RNF166: variants seen among roughly 807,000 people sequenced by gnomAD.
The protein encoded by RNF166 is ring finger protein 166.
RNF166 carries 19 observed loss-of-function variants against 29.4 expected under a neutral mutation model. The ratio of observed to expected loss-of-function variants is 0.65; its 90% CI spans 0.45 to 0.95. RNF166 has a LOEUF of 0.95. RNF166 is among the 40% of genes least tolerant of loss of function. RNF166 has a pLI of 0.00. For synonymous variants in RNF166, 171 were observed against 134.5 expected, an observed-to-expected ratio of 1.27 and a Z score of -1.88; for missense variants, 347 against 322.1, an observed-to-expected ratio of 1.08 and a Z score of -0.59.
chr16:88,705,025 C>A (rs1025534090), intron 1 of RNF166, among the ~76,000 whole-genome samples: 7 of 152,226 alleles, frequency 4.6e-5, no homozygotes, highest in African/African-American at 7.2e-5. Context: ...GCTGCCCCCC[C>A]AAAATGTCAC....
At chr16:88,697,794 G>A (rs536318148) in intron 5 of RNF166, 161 bp from the exon 6 acceptor site, 4 of 599,860 alleles carry the variant, frequency 6.7e-6, no homozygotes, top group South Asian at 4.0e-5. Flanking sequence ...GGGCCTGCAC[G>A]GTCCTCTGGG....
At chr16:88,700,950 G>A in intron 2 of RNF166, 1 of 1,210,862 alleles carries the variant, frequency 8.3e-7, no homozygotes, top group Non-Finnish European at 1.0e-6. Flanking sequence ...GCTGCATTGG[G>A]AAGGTTTCAG....
intron 5 of RNF166, 65 bp downstream of exon 5, chr16:88,698,437 G>T (rs989083888): frequency 3.1e-6 from 4 of 1,292,940 alleles, no homozygotes; most frequent in Non-Finnish European, 4.4e-6. Flanking sequence ...GCTGGCGAGG[G>T]GCCCGAGCAG....
chr16:88,698,037 C>A, intron 5 of RNF166: 1 of 522,182 alleles, frequency 1.9e-6, no homozygotes, highest in East Asian at 3.3e-5. Flanking sequence ...CAGGAATGAA[C>A]AGGGCGGCGC....
intron 1 of RNF166, chr16:88,703,598 G>A: frequency 1.0e-6 from 1 of 985,538 alleles, no homozygotes; most frequent in Non-Finnish European, 1.2e-6. Context: ...CTGGTGTTCA[G>A]AGAGCCAGCA....
chr16:88,705,641 A>C (rs560608774), intron 1 of RNF166, among the ~76,000 whole-genome samples: 4 of 152,362 alleles, frequency 2.6e-5, no homozygotes, highest in Admixed American at 2.0e-4. Context: ...GTGTGACTCA[A>C]GTTCTCCTTC....
At chr16:88,699,554 C>T (rs560615552) in intron 3 of RNF166, 66 bp downstream of exon 3, 254 of 1,306,696 alleles carry the variant, frequency 1.9e-4, no homozygotes, top group Non-Finnish European at 2.1e-4. Context: ...TGGGGCACTG[C>T]GCTTGCTCCC....
rs1270578993 is a variant in RNF166 at position 88,698,956 on chromosome 16, G to A, written c.540+15C>T. On this transcript the variant is annotated intron_variant, in intron 4 of 5. Coordinates refer to ENST00000312838, the MANE Select transcript of RNF166 (RefSeq NM_178841.4). ...TCCCCTGGCGCAGGCGTCGCTTGGG[G>A]CAGGCACTGCTCACCACGCGGTTGG... The A allele has an allele frequency of 6.4e-7, 1 of 1,555,048 alleles. No homozygotes were observed. The highest frequency in any genetic ancestry group is 1.8e-5 in the Admixed American group (1 of 54,310).
At position 88,699,795 on chromosome 16, in the gene RNF166, G is replaced by T. The variant is rs976240819; in HGVS notation, c.313-63C>A. 2.6e-5 allele frequency: 32 copies of T among 1,240,620 alleles called. No individual in the cohort carries two copies. In the South Asian group the frequency reaches 4.0e-4, roughly 15 times the overall value. The allele number at this position is 1,240,620 out of a possible 1,614,324, so 76.9% of individuals were successfully genotyped here. On this transcript the variant is annotated intron_variant, in intron 2 of 5. Coordinates refer to ENST00000312838, the MANE Select transcript of RNF166 (RefSeq NM_178841.4). The stretch of plus-strand genomic sequence containing the variant: ...AATCTGGAAGGGCCGTCCTGGGGAG[G>T]CCGAGACCTCAGGTGTCCAGGACCA...
chr16:88,705,541 G>A (rs1402180208), intron 1 of RNF166, among the ~76,000 whole-genome samples: 2 of 152,214 alleles, frequency 1.3e-5, no homozygotes, highest in African/African-American at 4.8e-5. Context: ...TGGAGGAGCC[G>A]GCTGTGAGCC....
At position 88,699,076 on chromosome 16, in the gene RNF166, G is replaced by A; in HGVS notation, c.435C>T (p.Pro145=). Residue 145 remains proline, a synonymous_variant, in exon 4 of 6, where the codon CCC becomes CCT. Transcript: ENST00000312838. ...PTSQPIPSNI[P]NRSTFACPYC... is the part of the protein sequence containing the mutation. Reference sequence around the variant, plus strand: ...ACGGGCAGGCGAAGGTGGACCTGTTGGGGATGTTGCTGGCGGGGCGGGGGT... The same window carrying A: ...ACGGGCAGGCGAAGGTGGACCTGTTAGGGATGTTGCTGGCGGGGCGGGGGT... The A allele has an allele frequency of 6.2e-7, 1 of 1,608,128 alleles. No individual in the cohort carries two copies. The highest frequency in any genetic ancestry group is 1.1e-5 in the South Asian group (1 of 90,080).
chr16:88,697,976 G>A (rs980730268), intron 5 of RNF166: 21 of 475,254 alleles, frequency 4.4e-5, no homozygotes, highest in Admixed American at 2.9e-4. Context: ...CGTGGGTCCC[G>A]GACGACTGGC....
chr16:88,698,985 C>G lies in RNF166; in HGVS notation c.526G>C (p.Asp176His). Reference sequence around the variant, plus strand: ...GCACTGCTCACCACGCGGTTGGGGTCGCTGCGGTGGCTTTCCACACAGTGC... The same window carrying G: ...GCACTGCTCACCACGCGGTTGGGGTGGCTGCGGTGGCTTTCCACACAGTGC... Reference protein sequence around the residue: ...VKHCVESHRSDPNRVVCPICS... With the variant: ...VKHCVESHRSHPNRVVCPICS... The change falls in exon 4 of 6, where the codon GAC becomes CAC. Residue 176 changes from aspartate (D) to histidine (H), a missense_variant. Coordinates refer to ENST00000312838, the MANE Select transcript of RNF166 (RefSeq NM_178841.4). 1 of 1,597,532 alleles carries G rather than the reference C, an allele frequency of 6.3e-7. No homozygotes were observed. The highest frequency in any genetic ancestry group is 8.5e-7 in the Non-Finnish European group (1 of 1,172,398).
chr16:88,701,125 T>G (rs1411493063), intron 2 of RNF166, 137 bp downstream of exon 2: 3 of 1,291,870 alleles, frequency 2.3e-6, no homozygotes, highest in Non-Finnish European at 3.2e-6. Context: ...GGGGCTGGCT[T>G]CCTGGTGCAG....
intron 1 of RNF166, chr16:88,704,046 C>A: frequency 2.0e-6 from 2 of 985,470 alleles, no homozygotes; most frequent in Non-Finnish European, 1.2e-6. Context: ...CCCCAGGGGG[C>A]CTCCTGCGCG....
intron 1 of RNF166, among the ~76,000 whole-genome samples, chr16:88,701,988 A>G (rs1351960736): frequency 1.3e-5 from 2 of 152,144 alleles, no homozygotes; most frequent in Non-Finnish European, 2.9e-5. Flanking sequence ...CGCAGGCAGG[A>G]GGGGGTCCTG....
rs765094331 is a variant in RNF166, at chr16:88,703,493, C to G, written c.156-2075G>C. 2.2e-5 allele frequency: 22 copies of G among 985,330 alleles called. No individual in the cohort carries two copies. The African/African-American group carries it at 3.8e-4, about 17-fold the overall frequency. The allele number at this position is 985,330 out of a possible 1,614,324, so 61.0% of individuals were successfully genotyped here. A position where few individuals can be genotyped will look rare whatever the true frequency, so the allele number is the denominator to read the frequency against. ...GAAAGACACAAGAGGGAACCCAGCC[C>G]GACTGGCAGGGCGGCTGGGCCCGAG... On this transcript the variant is annotated intron_variant, in intron 1 of 5. Transcript: ENST00000312838.
rs781738876 is a variant in RNF166, at chr16:88,706,292, G to C, written c.34C>G (p.Gln12Glu). 7.8e-7 allele frequency: 1 copy of C among 1,282,706 alleles called. No homozygotes were observed. Among genetic ancestry groups the C allele is most frequent in the South Asian group, 2.2e-5 (1 of 46,330 alleles). 79.5% of individuals were successfully genotyped at this position (1,282,706 alleles called of 1,614,324 possible). A position where few individuals can be genotyped will look rare whatever the true frequency, so the allele number is the denominator to read the frequency against. Residue 12 changes from glutamine (Q) to glutamate (E), a missense_variant, in exon 1 of 6, where the codon CAG becomes GAG. By Grantham distance (29) the Gln-to-Glu change is conservative (BLOSUM62 2). Coordinates refer to ENST00000312838, the MANE Select transcript of RNF166 (RefSeq NM_178841.4). Reference protein sequence around the residue: ...AMFRSLVASAQQRQPPAGPAG... With the variant: ...AMFRSLVASAEQRQPPAGPAG... ...GGCCCGGCCGGCGGCTGCCGCTGCT[G>C]AGCCGAGGCCACCAGGCTGCGGAAC...
chr16:88,697,800 C>T (rs1444454915), intron 5 of RNF166, 167 bp from the exon 6 acceptor site: 9 of 594,246 alleles, frequency 1.5e-5, no homozygotes, highest in African/African-American at 3.7e-5. Context: ...GCACGGTCCT[C>T]TGGGGGGTGA....
Sources: gnomAD v4.1 joint callset for allele counts (sites outside exome capture counted in the v4.1 genomes callset) on GRCh38, gnomAD v4.1.1 for gene constraint, MANE v1.5 for transcripts, NCBI Gene and HGNC (gene_info 2026-07-23, HGNC 2026-07-21) for gene names.